NOX5: variants seen among roughly 807,000 people sequenced by gnomAD.
NOX5 encodes the protein NADPH oxidase, EF-hand calcium binding domain 5.
NOX5 carries 76 observed loss-of-function variants against 85.7 expected under a neutral mutation model. The observed-to-expected ratio is 0.89, with a 90% confidence interval of 0.74 to 1.07. NOX5 has a LOEUF of 1.07. NOX5 is among the 50% of genes least tolerant of loss of function. NOX5 has a pLI of 0.00. For missense variants in NOX5, 973 were observed against 999.5 expected (o/e 0.97, Z 0.36); for synonymous variants, 405 against 401.4 (o/e 1.01, Z -0.11).
At chr15:69,021,836 G>T (rs2050299192) in intron 1 of NOX5, among the ~76,000 whole-genome samples, 1 of 152,024 alleles carries the variant, frequency 6.6e-6, no homozygotes, top group Non-Finnish European at 1.5e-5. Context: ...TTTCTTCTTA[G>T]TTTTTTAAAA....
At chr15:69,024,784 A>G in intron 1 of NOX5, among the ~76,000 whole-genome samples, 1 of 152,174 alleles carries the variant, frequency 6.6e-6, no homozygotes, top group Non-Finnish European at 1.5e-5. Context: ...CTTAAAAAGT[A>G]TCCCCCCACA....
chr15:69,047,989 T>C (rs1595788245), intron 13 of NOX5, 78 bp downstream of exon 13: 1 of 1,314,396 alleles, frequency 7.6e-7, no homozygotes, highest in Admixed American at 1.7e-5. Flanking sequence ...CATCCTCCTG[T>C]GCAAAGGTGG....
intron 10 of NOX5, among the ~76,000 whole-genome samples, chr15:69,044,196 A>AT (rs2050633330): frequency 6.6e-6 from 1 of 151,742 alleles, no homozygotes; most frequent in East Asian, 1.9e-4. Context: ...AAAAAAAAAA[A>AT]GCTAATTGGA....
At chr15:69,045,572 C>A (rs866309978) in intron 10 of NOX5, among the ~76,000 whole-genome samples, 1 of 10,462 alleles carries the variant, frequency 9.6e-5, no homozygotes, top group Non-Finnish European at 2.3e-4. Flanking sequence ...TTCTTTCTTC[C>A]CTTTCTTTCT....
Position 69,026,601 on chromosome 15 carries a change from G to A in NOX5, c.124G>A (p.Asp42Asn), listed in dbSNP as rs372895991. 2.0e-5 allele frequency: 32 copies of A among 1,614,096 alleles called. No homozygotes were observed. The highest frequency in any genetic ancestry group is 2.7e-5 in the Non-Finnish European group (32 of 1,180,042). Residue 42 changes from aspartate to asparagine, a missense_variant, in exon 2 of 16, where the codon GAT becomes AAT. Asp to Asn is a conservative substitution (Grantham distance 23). Coordinates refer to ENST00000388866, the MANE Select transcript of NOX5 (RefSeq NM_024505.4). ...GCAGTTTAAGACCATTGCAGGAGAA[G>A]ATGGGGAGATCAGCCTGCAAGAATT... is the stretch of plus-strand genomic sequence containing the variant. ...TQQFKTIAGEDGEISLQEFKA... is the reference protein window; with the variant it reads ...TQQFKTIAGENGEISLQEFKA...
At chr15:69,051,604 A>T (rs571721175) in intron 14 of NOX5, among the ~76,000 whole-genome samples, 2 of 152,168 alleles carry the variant, frequency 1.3e-5, no homozygotes, top group Admixed American at 6.5e-5. Context: ...TGAACTCCTG[A>T]GCTCAAGTGA....
Position 69,039,041 on chromosome 15 carries a change from G to C in NOX5, c.1504+52G>C, listed in dbSNP as rs34990910. ...TGCACATATTCACTGAGTTCCTACC[G>C]TGGGCCAAGTACAGGCTGGAAACTC... On this transcript the variant is annotated intron_variant, in intron 9 of 15. Coordinates refer to ENST00000388866, the MANE Select transcript of NOX5 (RefSeq NM_024505.4). 24 of 1,595,594 alleles carry C rather than the reference G, an allele frequency of 1.5e-5. 1 individual carries two copies. Among genetic ancestry groups the C allele is most frequent in the Admixed American group, 6.7e-5 (4 of 59,892 alleles).
chr15:69,058,896 G>A lies in NOX5; in HGVS notation c.*2200G>A, dbSNP rs183983078. 15 of 152,340 alleles carry A rather than the reference G, an allele frequency of 9.8e-5. No homozygotes were observed. Among genetic ancestry groups the A allele is most frequent in the Admixed American group, 4.6e-4 (7 of 15,310 alleles). 9.4% of individuals were successfully genotyped at this position (152,340 alleles called of 1,614,324 possible). A position where few individuals can be genotyped will look rare whatever the true frequency, so the allele number is the denominator to read the frequency against. On this transcript the variant is annotated 3_prime_UTR_variant, in exon 16 of 16. Transcript: ENST00000388866. ...ACTTAAGGTTGGAGGATGTAAACAG[G>A]CTGTGCCAAATCATTTGGAAACGTG...
intron 9 of NOX5, among the ~76,000 whole-genome samples, chr15:69,039,520 T>C (rs2050567777): frequency 6.6e-6 from 1 of 152,076 alleles, no homozygotes. Flanking sequence ...AGAAGCAAAG[T>C]TGGAATCCAG....
intron 11 of NOX5, 79 bp downstream of exon 11, chr15:69,046,945 G>A: frequency 6.7e-7 from 1 of 1,495,864 alleles, no homozygotes. Flanking sequence ...TTTAAGGAGG[G>A]GCTGTTGTGG....
In NOX5 at chr15:69,060,338, T is replaced by G. The variant is rs2050860723; in HGVS notation, c.*3642T>G. ...CCGAGACTGGCTCTGGGCCAACCTG[T>G]TGGAGACACAGTGGACAAACCTTTG... On this transcript the variant is annotated 3_prime_UTR_variant, in exon 16 of 16. Transcript: ENST00000388866. 1 of 152,210 alleles carries G rather than the reference T, an allele frequency of 6.6e-6. No individual in the cohort carries two copies. Among genetic ancestry groups the G allele is most frequent in the African/African-American group, 2.4e-5 (1 of 41,424 alleles). The allele number at this position is 152,210 out of a possible 1,614,324, so 9.4% of individuals were successfully genotyped here.
At chr15:69,033,419 A>C (rs2050467900) in intron 5 of NOX5, 142 bp downstream of exon 5, 4 of 930,054 alleles carry the variant, frequency 4.3e-6, no homozygotes, top group Non-Finnish European at 4.8e-6. Context: ...CAACGCTCAG[A>C]GTTGGAGGAC....
intron 10 of NOX5, among the ~76,000 whole-genome samples, chr15:69,045,571 C>CTTTCTTTCTTTCTTTCTTT (rs1567105211): frequency 1.1e-3 from 8 of 7,456 alleles, no homozygotes; most frequent in African/African-American, 1.9e-3. Context: ...TTTCTTTCTT[C>CTTTCTTTCTTTCTTTCTTT]CCTTTCTTTC....
Position 69,056,818 on chromosome 15 carries a change from C to G in NOX5, c.*122C>G. ...CCCAATAAGACAAAGCCTAGGGACC[C>G]CCTAATCCTGCTCAACAGAGAGAAC... On this transcript the variant is annotated 3_prime_UTR_variant, in exon 16 of 16. Coordinates refer to ENST00000388866, the MANE Select transcript of NOX5 (RefSeq NM_024505.4). 8.0e-7 allele frequency: 1 copy of G among 1,251,784 alleles called. No individual in the cohort carries two copies. The highest frequency in any genetic ancestry group is 1.1e-6 in the Non-Finnish European group (1 of 919,804). The allele number at this position is 1,251,784 out of a possible 1,614,324, so 77.5% of individuals were successfully genotyped here. A position where few individuals can be genotyped will look rare whatever the true frequency, so the allele number is the denominator to read the frequency against.
chr15:69,055,317 T>C lies in NOX5; in HGVS notation c.2000-17T>C. The C allele has an allele frequency of 6.2e-7, 1 of 1,613,012 alleles. No individual in the cohort carries two copies. ...GGTACTAGACCCTCAGTGCAGCCCT[T>C]GTCCCCTGCCCAACAGGCCGCTTCC... On this transcript the variant is annotated splice_polypyrimidine_tract_variant and intron_variant, in intron 14 of 15. Transcript: ENST00000388866.
At position 69,061,183 on chromosome 15, in the gene NOX5, A is replaced by C. The variant is rs2050867919; in HGVS notation, c.*4487A>C. 1 of 152,262 alleles carries C rather than the reference A, an allele frequency of 6.6e-6. No individual in the cohort carries two copies. The highest frequency in any genetic ancestry group is 1.5e-5 in the Non-Finnish European group (1 of 68,044). The allele number at this position is 152,262 out of a possible 1,614,324, so 9.4% of individuals were successfully genotyped here. ...GCAGAGATTATCTGCAGTGTTGTCT[A>C]AGATCCTGAATATTGATTTGGTATC... On this transcript the variant is annotated 3_prime_UTR_variant, in exon 16 of 16. Transcript: ENST00000388866.
At chr15:69,025,874 G>T (rs2050351190) in intron 1 of NOX5, among the ~76,000 whole-genome samples, 1 of 152,134 alleles carries the variant, frequency 6.6e-6, no homozygotes, top group Non-Finnish European at 1.5e-5. Context: ...CAATACCCTG[G>T]TGACATCATA....
chr15:69,037,286 A>T, intron 8 of NOX5, 76 bp downstream of exon 8: 3 of 1,327,996 alleles, frequency 2.3e-6, no homozygotes, highest in Non-Finnish European at 3.1e-6. Context: ...GCAGCTGGAT[A>T]CCCTGTCAGA....
chr15:69,023,910 C>T (rs1239525190), intron 1 of NOX5: 1 of 192,730 alleles, frequency 5.2e-6, no homozygotes, highest in South Asian at 1.3e-4. Flanking sequence ...GCAACCATTG[C>T]ATCTTGGCTG....
Sources: gnomAD v4.1 joint callset for allele counts (sites outside exome capture counted in the v4.1 genomes callset) on GRCh38, gnomAD v4.1.1 for gene constraint, MANE v1.5 for transcripts, NCBI Gene and HGNC (gene_info 2026-07-23, HGNC 2026-07-21) for gene names.